Variants in NTM observed in about 807,000 individuals in gnomAD.
The protein encoded by NTM is IgLON family member 2.
In NTM, 13 loss-of-function variants were observed where a neutral mutation model predicts 42.1. The observed-to-expected ratio is 0.31, with a 90% confidence interval of 0.20 to 0.49. NTM has a LOEUF of 0.49. Among genes scored for constraint, NTM ranks in the 20% least tolerant of loss-of-function variants. The pLI is 0.99. For synonymous variants in NTM, 187 were observed against 179.2 expected (o/e 1.04, Z -0.35); for missense variants, 373 against 452.8 (o/e 0.82, Z 1.60).
intron 2 of NTM, among the ~76,000 whole-genome samples, chr11:132,025,174 G>T (rs1205170808): frequency 6.6e-6 from 1 of 152,130 alleles, no homozygotes; most frequent in African/African-American, 2.4e-5. Context: ...TCATGTCCAG[G>T]CCTAGGACTG....
chr11:131,593,497 C>T (rs1294887060), intron 1 of NTM, among the ~76,000 whole-genome samples: 1 of 152,158 alleles, frequency 6.6e-6, no homozygotes, highest in Non-Finnish European at 1.5e-5. Context: ...TCAAACAAGC[C>T]AAGTGTAAAG....
intron 2 of NTM, among the ~76,000 whole-genome samples, chr11:131,922,500 A>T (rs914590323): frequency 6.6e-6 from 1 of 152,170 alleles, no homozygotes; most frequent in Admixed American, 6.5e-5. Flanking sequence ...TGATCTTAGG[A>T]ACTGCAAACC....
chr11:132,268,684 G>GTC (rs1447905146), intron 4 of NTM, among the ~76,000 whole-genome samples: 2 of 151,626 alleles, frequency 1.3e-5, no homozygotes, highest in African/African-American at 4.9e-5. Flanking sequence ...GTGTGTGTGT[G>GTC]TGTGTGTGTG....
At chr11:131,442,644 C>A (rs1184323984) in intron 1 of NTM, among the ~76,000 whole-genome samples, 8 of 152,130 alleles carry the variant, frequency 5.3e-5, no homozygotes, top group Non-Finnish European at 1.2e-4. Context: ...CATTGCTTAG[C>A]TCCCACTTAT....
At chr11:131,430,968 C>T (rs998446140) in intron 1 of NTM, among the ~76,000 whole-genome samples, 3 of 152,220 alleles carry the variant, frequency 2.0e-5, no homozygotes, top group Non-Finnish European at 2.9e-5. Context: ...GGCTGTCCCC[C>T]GAGGGACTGC....
intron 1 of NTM, among the ~76,000 whole-genome samples, chr11:131,713,847 C>G (rs928840079): frequency 6.6e-6 from 1 of 152,136 alleles, no homozygotes; most frequent in Admixed American, 6.5e-5. Flanking sequence ...AGTTTTAGAG[C>G]AGGAATGAAA....
intron 3 of NTM, among the ~76,000 whole-genome samples, chr11:132,151,699 T>C (rs1391670762): frequency 3.3e-5 from 5 of 152,142 alleles, no homozygotes; most frequent in Non-Finnish European, 5.9e-5. Context: ...TATTGTTTGA[T>C]AGTTAATTAC....
intron 1 of NTM, among the ~76,000 whole-genome samples, chr11:131,640,806 T>C (rs1469250663): frequency 6.6e-6 from 1 of 152,238 alleles, no homozygotes; most frequent in East Asian, 1.9e-4. Flanking sequence ...AAAATCTTCC[T>C]AGGCCATTTG....
chr11:131,421,099 C>T (rs755157315), intron 1 of NTM, among the ~76,000 whole-genome samples: 7 of 152,184 alleles, frequency 4.6e-5, no homozygotes, highest in Non-Finnish European at 7.3e-5. Context: ...GAAGAGAATT[C>T]GACCCGGAGG....
Position 131,374,188 on chromosome 11 carries a change from C to A in NTM, c.82+3300C>A, listed in dbSNP as rs1392807107. ...CGTCAGGGAGCCTCATCGAATGGAACCTGCCTGCCAGGCTTGGGGCTGCCA... is the reference window on the plus strand; with the variant it reads ...CGTCAGGGAGCCTCATCGAATGGAAACTGCCTGCCAGGCTTGGGGCTGCCA... On this transcript the variant is annotated intron_variant, in intron 1 of 8. Coordinates refer to ENST00000683400, the MANE Select transcript of NTM (RefSeq NM_001352005.2). Among the ~76,000 whole-genome samples, 6 of 152,344 alleles carry A rather than the reference C, an allele frequency of 3.9e-5. No homozygotes were observed. The East Asian group carries it at 1.2e-3, about 29-fold the overall frequency.
intron 2 of NTM, among the ~76,000 whole-genome samples, chr11:131,975,716 G>A (rs1189224780): frequency 6.6e-6 from 1 of 152,032 alleles, no homozygotes; most frequent in Non-Finnish European, 1.5e-5. Flanking sequence ...TTTCCTTCCT[G>A]TGATGACATA....
intron 4 of NTM, among the ~76,000 whole-genome samples, chr11:132,300,409 A>G (rs979676848): frequency 1.3e-5 from 2 of 152,216 alleles, no homozygotes; most frequent in African/African-American, 2.4e-5. Context: ...TCTGAAGTGC[A>G]CAGAACTGAA....
chr11:132,045,398 C>T (rs908699284), intron 2 of NTM, among the ~76,000 whole-genome samples: 30 of 152,128 alleles, frequency 2.0e-4, no homozygotes, highest in African/African-American at 7.2e-4. Context: ...GGTAATTAGG[C>T]TGTGCTCTTT....
chr11:131,805,078 G>T (rs1288468276), intron 1 of NTM, among the ~76,000 whole-genome samples: 1 of 152,162 alleles, frequency 6.6e-6, no homozygotes, highest in Non-Finnish European at 1.5e-5. Flanking sequence ...CAGGCATTTT[G>T]TTAAATAAGT....
intron 7 of NTM, among the ~76,000 whole-genome samples, chr11:132,326,607 CCTCAT>C (rs1445233522): frequency 9.9e-5 from 15 of 152,170 alleles, no homozygotes; most frequent in African/African-American, 3.6e-4. Context: ...GTGCTCAGCC[CCTCAT>C]CTCAGCAACC....
intron 1 of NTM, among the ~76,000 whole-genome samples, chr11:131,879,081 A>C (rs903154728): frequency 6.6e-6 from 1 of 152,168 alleles, no homozygotes; most frequent in Non-Finnish European, 1.5e-5. Context: ...TCCCAGGAAC[A>C]CACTGAATTC....
intron 1 of NTM, among the ~76,000 whole-genome samples, chr11:131,588,320 C>G (rs1373513934): frequency 1.3e-5 from 2 of 152,162 alleles, no homozygotes; most frequent in African/African-American, 4.8e-5. Flanking sequence ...AGAGCTTGCC[C>G]CAGAGCAAAG....
chr11:131,727,538 T>C (rs931811571), intron 1 of NTM, among the ~76,000 whole-genome samples: 6 of 152,138 alleles, frequency 3.9e-5, no homozygotes, highest in African/African-American at 9.7e-5. Context: ...CCTACCAATA[T>C]GCCAGGAAAG....
chr11:131,821,303 G>A (rs762435742), intron 1 of NTM, among the ~76,000 whole-genome samples: 31 of 152,328 alleles, frequency 2.0e-4, no homozygotes, highest in South Asian at 1.4e-3. Context: ...GCCATTGGCA[G>A]GTGAGATCCT....
Sources: allele counts gnomAD v4.1 joint callset (sites outside exome capture counted in the v4.1 genomes callset), GRCh38; gene constraint gnomAD v4.1.1; transcripts MANE v1.5; gene names NCBI Gene and HGNC (gene_info 2026-07-23, HGNC 2026-07-21).